PRKN: variants seen among roughly 807,000 people sequenced by gnomAD.
The protein encoded by PRKN is parkin RBR E3 ubiquitin protein ligase, also known as E3 ubiquitin-protein ligase parkin.
Under a neutral mutation model 59.5 loss-of-function variants are expected in PRKN, and 56 were observed. That is an observed-to-expected ratio of 0.94 (90% CI 0.76 to 1.18). The LOEUF (loss-of-function observed/expected upper bound fraction) is 1.18, where lower values mean the gene tolerates loss of function less well. PRKN is among the 50% of genes most tolerant of loss of function. The pLI, the probability that PRKN is intolerant of heterozygous loss-of-function variation, is 0.00. For synonymous variants in PRKN, 250 were observed against 222.1 expected (o/e 1.13, Z -1.12); for missense variants, 657 against 596.4 (o/e 1.10, Z -1.06).
intron 4 of PRKN, among the ~76,000 whole-genome samples, chr6:162,154,024 A>C (rs999886658): frequency 6.6e-6 from 1 of 152,280 alleles, no homozygotes; most frequent in East Asian, 1.9e-4. Flanking sequence ...TTTGGCTTAA[A>C]GGTGGGGCTT....
chr6:161,928,822 C>T (rs1347639430), intron 6 of PRKN, among the ~76,000 whole-genome samples: 1 of 152,146 alleles, frequency 6.6e-6, no homozygotes, highest in African/African-American at 2.4e-5. Flanking sequence ...TTCAAAGCAT[C>T]TTTCTGCCCC....
chr6:162,035,917 C>A (rs1344118915), intron 5 of PRKN, among the ~76,000 whole-genome samples: 2 of 152,016 alleles, frequency 1.3e-5, no homozygotes, highest in African/African-American at 4.8e-5. Flanking sequence ...CTGTATGAAT[C>A]AAATATTTAA....
rs78938030 is a variant in PRKN at position 162,399,556 on chromosome 6, T to G, written c.171+43754A>C. Among the ~76,000 whole-genome samples the G allele has an allele frequency of 2.1e-3, 326 of 152,220 alleles. 5 individuals carry two copies. The highest frequency in any genetic ancestry group is 0.015 in the East Asian group (79 of 5,168). Reference sequence around the variant, plus strand: ...ACATACACACACACACATGCATGTATGCATGCATGCACACAATCTATACAA... The same window carrying G: ...ACATACACACACACACATGCATGTAGGCATGCATGCACACAATCTATACAA... On this transcript the variant is annotated intron_variant, in intron 2 of 11. Coordinates refer to ENST00000366898, the MANE Select transcript of PRKN (RefSeq NM_004562.3).
At chr6:162,091,479 T>C (rs1366491701) in intron 4 of PRKN, among the ~76,000 whole-genome samples, 2 of 152,172 alleles carry the variant, frequency 1.3e-5, no homozygotes, top group Non-Finnish European at 2.9e-5. Flanking sequence ...AAAGTGTGGA[T>C]ATGTCTAGGA....
At chr6:161,986,945 C>G (rs1781457126) in intron 5 of PRKN, among the ~76,000 whole-genome samples, 1 of 152,170 alleles carries the variant, frequency 6.6e-6, no homozygotes, top group Non-Finnish European at 1.5e-5. Flanking sequence ...AATAAAAAAA[C>G]AGCCTAGCTT....
In PRKN at chr6:161,347,918, C is replaced by A. The variant is rs1362996531; in HGVS notation, c.*2181G>T. 6.1e-6 allele frequency: 1 copy of A among 164,400 alleles called. No individual in the cohort carries two copies. Among genetic ancestry groups the A allele is most frequent in the African/African-American group, 2.4e-5 (1 of 41,668 alleles). 10.2% of individuals were successfully genotyped at this position (164,400 alleles called of 1,614,324 possible). On this transcript the variant is annotated 3_prime_UTR_variant, in exon 12 of 12. Coordinates refer to ENST00000366898, the MANE Select transcript of PRKN (RefSeq NM_004562.3). ...GGCATGAGCCACCGCGCCCGGCCTG[C>A]TCTAACTTATTTTAAGAATCACTGT...
At position 161,550,798 on chromosome 6, in the gene PRKN, G is replaced by T. The variant is rs565952334; in HGVS notation, c.934-1795C>A. 4.7e-4 allele frequency among the ~76,000 whole-genome samples: 71 copies of T among 151,408 alleles called. No homozygotes were observed. The highest frequency in any genetic ancestry group is 8.1e-4 in the Non-Finnish European group (55 of 67,856). ...GGCATGAAATAATTATTTCTATTGT[G>T]CTCGTGTTCAGTTTGATAAGCTATT... On this transcript the variant is annotated intron_variant, in intron 8 of 11. Transcript: ENST00000366898. This position sits in a 1 kb window ranked among gnomAD's most constrained non-coding sequence, Gnocchi z 4.0.
intron 1 of PRKN, among the ~76,000 whole-genome samples, chr6:162,688,456 TTTAAAA>T (rs1777648443): frequency 6.6e-6 from 1 of 152,140 alleles, no homozygotes; most frequent in Non-Finnish European, 1.5e-5. Flanking sequence ...GCAATAAAAA[TTTAAAA>T]ATAGGTCAAT....
chr6:162,156,024 A>T (rs1250142531), intron 4 of PRKN, among the ~76,000 whole-genome samples: 1 of 152,134 alleles, frequency 6.6e-6, no homozygotes, highest in African/African-American at 2.4e-5. Flanking sequence ...AGTGGAAATG[A>T]GGAAAATGAG....
At chr6:161,394,031 G>C (rs758333346) in intron 9 of PRKN, among the ~76,000 whole-genome samples, 18 of 152,132 alleles carry the variant, frequency 1.2e-4, no homozygotes, top group Non-Finnish European at 2.5e-4. Context: ...TCCAGCCTCT[G>C]TAAAGGGAAT....
chr6:162,710,414 C>CACACACACACACACACACACACACACAA (rs759309558), intron 1 of PRKN, among the ~76,000 whole-genome samples: 31 of 150,094 alleles, frequency 2.1e-4, no homozygotes, highest in African/African-American at 7.5e-4. Flanking sequence ...CACACACACA[C>CACACACACACACACACACACACACACAA]AACTGTTTGG....
Position 162,066,763 on chromosome 6 carries a change from T to C in PRKN, c.535-12589A>G, listed in dbSNP as rs10945794. Among the ~76,000 whole-genome samples the C allele has an allele frequency of 8.3e-3, 1,258 of 152,318 alleles. 17 individuals carry two copies. The highest frequency in any genetic ancestry group is 0.029 in the African/African-American group (1,212 of 41,570). ...AGTTACTCAGACCCAGGAATTCTAATATAGCAGCACAAAAAGAACTAAGAC... is the reference window on the plus strand; with the variant it reads ...AGTTACTCAGACCCAGGAATTCTAACATAGCAGCACAAAAAGAACTAAGAC... On this transcript the variant is annotated intron_variant, in intron 4 of 11. Transcript: ENST00000366898.
Position 161,451,871 on chromosome 6 carries a change from C to T in PRKN, c.1084-64994G>A, listed in dbSNP as rs1167033940. ...TTAATTTTGTAGAAAAATGGTGTCA[C>T]CTTTAAACGTTGTAAACTACATTTA... is the stretch of plus-strand genomic sequence containing the variant. On this transcript the variant is annotated intron_variant, in intron 9 of 11. Coordinates refer to ENST00000366898, the MANE Select transcript of PRKN (RefSeq NM_004562.3). The surrounding 1 kb of genome is among the most constrained non-coding windows in gnomAD (Gnocchi z 5.9). Among the ~76,000 whole-genome samples the T allele has an allele frequency of 6.6e-6, 1 of 152,064 alleles. No individual in the cohort carries two copies. Among genetic ancestry groups the T allele is most frequent in the African/African-American group, 2.4e-5 (1 of 41,394 alleles).
At chr6:162,109,775 T>C (rs1780343693) in intron 4 of PRKN, among the ~76,000 whole-genome samples, 1 of 152,212 alleles carries the variant, frequency 6.6e-6, no homozygotes, top group South Asian at 2.1e-4. Context: ...TATACAAAGA[T>C]TGCTTTTTAT....
chr6:162,572,574 G>A (rs1780383359), intron 1 of PRKN, among the ~76,000 whole-genome samples: 1 of 152,100 alleles, frequency 6.6e-6, no homozygotes, highest in Non-Finnish European at 1.5e-5. Context: ...CGTCTTCATG[G>A]GGGCAATATC....
intron 1 of PRKN, among the ~76,000 whole-genome samples, chr6:162,482,122 G>C (rs145962886): frequency 5.1e-4 from 77 of 152,274 alleles, no homozygotes; most frequent in African/African-American, 1.7e-3. Context: ...ATAATGAAAA[G>C]TGGTGTGATA....
chr6:161,818,762 G>C (rs1791896760), intron 6 of PRKN, among the ~76,000 whole-genome samples: 1 of 152,082 alleles, frequency 6.6e-6, no homozygotes, highest in African/African-American at 2.4e-5. Context: ...TAGAAGGCAA[G>C]AGATCTCCAA....
chr6:162,113,862 T>A (rs1432200051), intron 4 of PRKN, among the ~76,000 whole-genome samples: 1 of 152,114 alleles, frequency 6.6e-6, no homozygotes, highest in Non-Finnish European at 1.5e-5. Flanking sequence ...AACGTTTAAG[T>A]CTTTAATCCA....
intron 1 of PRKN, among the ~76,000 whole-genome samples, chr6:162,681,070 T>A (rs1436340803): frequency 2.2e-5 from 3 of 133,644 alleles, no homozygotes; most frequent in Non-Finnish European, 5.3e-5. Flanking sequence ...CTTTCACACG[T>A]GTTTTTGAAA....
Sources: gnomAD v4.1 joint callset for allele counts (sites outside exome capture counted in the v4.1 genomes callset) on GRCh38, gnomAD v4.1.1 for gene constraint, Gnocchi (gnomAD v3.1) non-coding constraint, MANE v1.5 for transcripts, NCBI Gene and HGNC (gene_info 2026-07-23, HGNC 2026-07-21) for gene names.